The following ATP9B variants were observed in gnomAD, a reference collection of about 807,000 sequenced individuals.
The protein encoded by ATP9B is ATPase phospholipid transporting 9B.
Under a neutral mutation model 146.1 loss-of-function variants are expected in ATP9B, and 110 were observed. That is an observed-to-expected ratio of 0.75 (90% CI 0.65 to 0.88). The LOEUF (loss-of-function observed/expected upper bound fraction) is 0.88. Ranked by LOEUF, ATP9B falls within the 40% of genes least tolerant of loss-of-function variation. ATP9B has a pLI of 0.00. For synonymous variants in ATP9B, 604 were observed against 569.7 expected (o/e 1.06, Z -0.86); for missense variants, 1,499 against 1,496.4 (o/e 1.00, Z -0.03).
At chr18:79,140,229 A>C (rs888068813) in intron 5 of ATP9B, among the ~76,000 whole-genome samples, 6 of 152,168 alleles carry the variant, frequency 3.9e-5, no homozygotes, top group African/African-American at 1.4e-4. Context: ...TGGAGGAGCC[A>C]GCTGGTAAAG....
rs1040551453 is a variant in ATP9B, at chr18:79,372,896, C to A, written c.3070+14C>A. 6 of 1,576,556 alleles carry A rather than the reference C, an allele frequency of 3.8e-6. No homozygotes were observed. The highest frequency in any genetic ancestry group is 5.2e-6 in the Non-Finnish European group (6 of 1,147,550). ...GTATTTACCAAGGTAAGACGAGATC[C>A]TTAGTTTACTGGACTAAAGATTTTT... is the stretch of plus-strand genomic sequence containing the variant. On this transcript the variant is annotated intron_variant, in intron 27 of 29. Coordinates refer to ENST00000426216, the MANE Select transcript of ATP9B (RefSeq NM_198531.5).
intron 13 of ATP9B, among the ~76,000 whole-genome samples, chr18:79,278,938 A>C (rs1357045117): frequency 2.0e-5 from 3 of 152,204 alleles, no homozygotes; most frequent in African/African-American, 7.2e-5. Flanking sequence ...AACAGTTGGA[A>C]TCAGTTTGCA....
chr18:79,210,103 G>T (rs1391497258), intron 10 of ATP9B, among the ~76,000 whole-genome samples: 1 of 152,192 alleles, frequency 6.6e-6, no homozygotes, highest in African/African-American at 2.4e-5. Flanking sequence ...GCAGACGAGA[G>T]GTGAGCCAAG....
chr18:79,168,715 C>G (rs2095023523), intron 7 of ATP9B, among the ~76,000 whole-genome samples: 1 of 152,100 alleles, frequency 6.6e-6, no homozygotes, highest in Non-Finnish European at 1.5e-5. Flanking sequence ...ATGTATAACT[C>G]CATACATTTT....
intron 12 of ATP9B, among the ~76,000 whole-genome samples, chr18:79,257,416 C>G (rs937885370): frequency 6.6e-6 from 1 of 152,258 alleles, no homozygotes; most frequent in African/African-American, 2.4e-5. Flanking sequence ...ATCCAGTGCC[C>G]TTGGCCTCTT....
intron 16 of ATP9B, among the ~76,000 whole-genome samples, chr18:79,329,727 A>G (rs2096780050): frequency 6.6e-6 from 1 of 152,232 alleles, no homozygotes; most frequent in Admixed American, 6.5e-5. Context: ...ATTAAATCCA[A>G]CTGTAAAAGT....
At chr18:79,190,976 A>G (rs908768529) in intron 8 of ATP9B, among the ~76,000 whole-genome samples, 1 of 152,024 alleles carries the variant, frequency 6.6e-6, no homozygotes, top group African/African-American at 2.4e-5. Context: ...TCTGCCTGAT[A>G]TTGTTTCCCT....
chr18:79,209,527 A>G (rs1415250873), intron 10 of ATP9B: 1 of 322,732 alleles, frequency 3.1e-6, no homozygotes, highest in Non-Finnish European at 4.5e-6. Context: ...CCCTGAACAA[A>G]GTTTTCTCTC....
intron 4 of ATP9B, among the ~76,000 whole-genome samples, chr18:79,118,524 C>T (rs1451354682): frequency 6.7e-6 from 1 of 149,764 alleles, no homozygotes; most frequent in Non-Finnish European, 1.5e-5. Flanking sequence ...CCTCAGCCTT[C>T]CAAGTAGCTG....
intron 8 of ATP9B, among the ~76,000 whole-genome samples, chr18:79,185,471 A>T (rs1187497348): frequency 2.0e-5 from 3 of 152,214 alleles, no homozygotes; most frequent in Non-Finnish European, 4.4e-5. Flanking sequence ...TTTGATACAG[A>T]GTCTGATTAA....
intron 9 of ATP9B, among the ~76,000 whole-genome samples, chr18:79,200,220 T>C (rs2095455599): frequency 1.3e-5 from 2 of 152,204 alleles, no homozygotes; most frequent in African/African-American, 4.8e-5. Context: ...GAATGCTTCA[T>C]CTCTGTTATA....
intron 12 of ATP9B, among the ~76,000 whole-genome samples, chr18:79,256,224 A>G (rs1469334050): frequency 3.7e-5 from 5 of 136,894 alleles, no homozygotes; most frequent in Admixed American, 2.3e-4. Flanking sequence ...GAATTTGTCT[A>G]TTTTCCCATG....
At chr18:79,204,387 T>C (rs1047535771) in intron 9 of ATP9B, among the ~76,000 whole-genome samples, 2 of 152,232 alleles carry the variant, frequency 1.3e-5, no homozygotes, top group African/African-American at 4.8e-5. Context: ...AAACCACTTT[T>C]ACAGCCCTCC....
At chr18:79,199,222 A>G (rs891141356) in intron 9 of ATP9B, among the ~76,000 whole-genome samples, 2 of 152,026 alleles carry the variant, frequency 1.3e-5, no homozygotes, top group African/African-American at 4.8e-5. Context: ...AAGTGCTGGG[A>G]TTACAGGCAT....
At chr18:79,092,640 CTT>C (rs145337759) in intron 1 of ATP9B, among the ~76,000 whole-genome samples, 51 of 118,222 alleles carry the variant, frequency 4.3e-4, no homozygotes, top group Non-Finnish European at 6.5e-4. Flanking sequence ...TTTACTTAAA[CTT>C]TTTTTTTTTT....
At chr18:79,366,270 C>T (rs1425837032) in intron 26 of ATP9B, among the ~76,000 whole-genome samples, 1 of 152,216 alleles carries the variant, frequency 6.6e-6, no homozygotes, top group Non-Finnish European at 1.5e-5. Flanking sequence ...GACCGTGCCT[C>T]TCTCAGAGCC....
intron 8 of ATP9B, among the ~76,000 whole-genome samples, chr18:79,185,339 T>C (rs1376070255): frequency 2.0e-5 from 2 of 102,326 alleles, no homozygotes; most frequent in Non-Finnish European, 3.7e-5. Flanking sequence ...TTCAATATTA[T>C]AAGGATACTT....
At chr18:79,147,034 T>G (rs972136454) in intron 6 of ATP9B, 1 of 152,114 alleles carries the variant, frequency 6.6e-6, no homozygotes, top group African/African-American at 2.4e-5. Context: ...AATGTAAAAT[T>G]AAACAAAAGT....
At chr18:79,135,369 T>C (rs2147301853) in intron 5 of ATP9B, among the ~76,000 whole-genome samples, 1 of 152,350 alleles carries the variant, frequency 6.6e-6, no homozygotes, top group Middle Eastern at 3.4e-3. Flanking sequence ...GTTCTGTTTT[T>C]CCCTTCATAA....
Sources: gnomAD v4.1 joint callset for allele counts (sites outside exome capture counted in the v4.1 genomes callset) on GRCh38, gnomAD v4.1.1 for gene constraint, MANE v1.5 for transcripts, NCBI Gene and HGNC (gene_info 2026-07-23, HGNC 2026-07-21) for gene names.